TNFSF11: variants seen among roughly 807,000 people sequenced by gnomAD.
The protein encoded by TNFSF11 is TNF superfamily member 11.
Under a neutral mutation model 32.2 loss-of-function variants are expected in TNFSF11, and 12 were observed. The observed-to-expected ratio is 0.37, with a 90% CI of 0.24 to 0.60. The LOEUF (loss-of-function observed/expected upper bound fraction) is 0.60, where lower values mean the gene tolerates loss of function less well. Among genes scored for constraint, TNFSF11 ranks in the 20% least tolerant of loss-of-function variants. TNFSF11 has a pLI of 0.66. For missense variants in TNFSF11, 345 were observed against 398.0 expected (o/e 0.87, Z 1.13); for synonymous variants, 172 against 152.1 (o/e 1.13, Z -0.96).
Position 42,607,373 on chromosome 13 carries a change from A to G in TNFSF11, c.*455A>G, listed in dbSNP as rs912473516. The G allele has an allele frequency of 6.5e-6, 1 of 154,568 alleles. No individual in the cohort carries two copies. The highest frequency in any genetic ancestry group is 1.4e-5 in the Non-Finnish European group (1 of 69,348). 9.6% of individuals were successfully genotyped at this position (154,568 alleles called of 1,614,324 possible). Reference sequence around the variant, plus strand: ...TTTTTCTAATGAGGAGAGAAAATATATGTATTTTTATATAATATCTAAAGT... The same window carrying G: ...TTTTTCTAATGAGGAGAGAAAATATGTGTATTTTTATATAATATCTAAAGT... On this transcript the variant is annotated 3_prime_UTR_variant, in exon 5 of 5. Transcript: ENST00000398795.
intron 2 of TNFSF11, among the ~76,000 whole-genome samples, chr13:42,582,531 T>G (rs1873666330): frequency 2.0e-5 from 3 of 152,240 alleles, no homozygotes; most frequent in Admixed American, 2.0e-4. Context: ...GAGGTTCTAG[T>G]TGTATCTTAA....
At chr13:42,583,444 G>GAAAAAAAAA (rs71202227) in intron 2 of TNFSF11, among the ~76,000 whole-genome samples, 98 of 95,586 alleles carry the variant, frequency 1.0e-3, no homozygotes, top group African/African-American at 2.6e-3. Context: ...AAAAAGAAAG[G>GAAAAAAAAA]AAGAAAGGAA....
In TNFSF11 at chr13:42,574,395, A is replaced by C. The variant is rs1471498841; in HGVS notation, c.92A>C (p.His31Pro). Residue 31 changes from histidine to proline, a missense_variant, in exon 1 of 5, where the codon CAC (histidine) becomes CCC (proline). Around this residue, in one of 2 missense-constraint regions of TNFSF11, gnomAD observed 197 missense variants for 182.0 expected, o/e 1.08. Coordinates refer to ENST00000398795, the MANE Select transcript of TNFSF11 (RefSeq NM_003701.4). ...GPGAPHEGPL[H>P]APPPPAPHQP... is the part of the protein sequence containing the mutation. ...GGAGCCCCGCACGAGGGCCCCCTGC[A>C]CGCCCCGCCGCCGCCTGCGCCGCAC... 1.9e-6 allele frequency: 3 copies of C among 1,553,130 alleles called. No homozygotes were observed. Among genetic ancestry groups the C allele is most frequent in the Non-Finnish European group, 1.7e-6 (2 of 1,150,990 alleles).
intron 2 of TNFSF11, among the ~76,000 whole-genome samples, chr13:42,585,171 T>C (rs954059106): frequency 1.3e-5 from 2 of 152,268 alleles, no homozygotes; most frequent in African/African-American, 4.8e-5. Flanking sequence ...CTTGCCAAAA[T>C]AATCAGATTT....
chr13:42,592,735 G>A (rs1162429691), intron 2 of TNFSF11, among the ~76,000 whole-genome samples: 1 of 152,158 alleles, frequency 6.6e-6, no homozygotes, highest in African/African-American at 2.4e-5. Context: ...TAATCCCCAA[G>A]TGTCAAGGGT....
At chr13:42,588,919 T>A (rs2137882557) in intron 2 of TNFSF11, among the ~76,000 whole-genome samples, 1 of 152,286 alleles carries the variant, frequency 6.6e-6, no homozygotes, top group East Asian at 1.9e-4. Context: ...AGACAACAAA[T>A]GCTTGCTCAA....
rs565255217 is a variant in TNFSF11, at chr13:42,607,917, T to C, written c.*999T>C. On this transcript the variant is annotated 3_prime_UTR_variant, in exon 5 of 5. Coordinates refer to ENST00000398795, the MANE Select transcript of TNFSF11 (RefSeq NM_003701.4). ...GTGGTTTATCAGCAAAAAAGTCCAA[T>C]TTTAATTTAGTAAATGTTATCTTAT... is the stretch of plus-strand genomic sequence containing the variant. 25 of 152,896 alleles carry C rather than the reference T, an allele frequency of 1.6e-4. No individual in the cohort carries two copies. Among genetic ancestry groups the C allele is most frequent in the African/African-American group, 5.8e-4 (24 of 41,574 alleles). 9.5% of individuals were successfully genotyped at this position (152,896 alleles called of 1,614,324 possible). A position where few individuals can be genotyped will look rare whatever the true frequency, so the allele number is the denominator to read the frequency against.
Position 42,602,610 on chromosome 13 carries a change from A to G in TNFSF11, c.532+1629A>G, listed in dbSNP as rs559019604. On this transcript the variant is annotated intron_variant, in intron 4 of 4. Transcript: ENST00000398795. ...AATTTGTCTCACTGTGTGTCTATGCATGTCTTGTGGTGGAGCTACACTAAT... is the reference window on the plus strand; with the variant it reads ...AATTTGTCTCACTGTGTGTCTATGCGTGTCTTGTGGTGGAGCTACACTAAT... 5.9e-5 allele frequency among the ~76,000 whole-genome samples: 9 copies of G among 152,332 alleles called. 1 individual carries two copies. The South Asian group carries it at 1.9e-3, about 32-fold the overall frequency.
intron 4 of TNFSF11, among the ~76,000 whole-genome samples, chr13:42,606,009 C>T (rs943566778): frequency 6.6e-6 from 1 of 152,192 alleles, no homozygotes; most frequent in South Asian, 2.1e-4. Context: ...GTCTCAGTTG[C>T]CTTTGGCTTA....
intron 1 of TNFSF11, among the ~76,000 whole-genome samples, chr13:42,576,087 A>C (rs1316293201): frequency 6.6e-6 from 1 of 152,242 alleles, no homozygotes; most frequent in Non-Finnish European, 1.5e-5. Flanking sequence ...TTAGTCAAAC[A>C]AAAGAGCAAC....
At chr13:42,600,351 G>A (rs1471684260) in intron 2 of TNFSF11, among the ~76,000 whole-genome samples, 1 of 152,150 alleles carries the variant, frequency 6.6e-6, no homozygotes, top group African/African-American at 2.4e-5. Flanking sequence ...TAATGAAATA[G>A]ACATGAAAAG....
chr13:42,604,545 C>T (rs918659467), intron 4 of TNFSF11, among the ~76,000 whole-genome samples: 2 of 152,164 alleles, frequency 1.3e-5, no homozygotes, highest in Non-Finnish European at 2.9e-5. Flanking sequence ...GTTGCCCCAC[C>T]GTTGGATGGC....
chr13:42,576,196 T>G (rs1303093153), intron 1 of TNFSF11, among the ~76,000 whole-genome samples: 1 of 152,240 alleles, frequency 6.6e-6, no homozygotes, highest in Non-Finnish European at 1.5e-5. Context: ...GTGAAGAGAG[T>G]GTCCAATGTT....
Position 42,601,107 on chromosome 13 carries a change from A to C in TNFSF11, c.532+126A>C, listed in dbSNP as rs1052524963. On this transcript the variant is annotated intron_variant, in intron 4 of 4. Transcript: ENST00000398795. ...GAGCCCTTACTTCAAAGCCAAAGGA[A>C]AGACCATTCATCCTCAGGTGATGAT... 12 of 989,884 alleles carry C rather than the reference A, an allele frequency of 1.2e-5. No individual in the cohort carries two copies. In the African/African-American group the frequency reaches 1.8e-4, roughly 15 times the overall value. 61.3% of individuals were successfully genotyped at this position (989,884 alleles called of 1,614,324 possible).
Position 42,600,994 on chromosome 13 carries a change from T to G in TNFSF11, c.532+13T>G. On this transcript the variant is annotated intron_variant, in intron 4 of 4. Coordinates refer to ENST00000398795, the MANE Select transcript of TNFSF11 (RefSeq NM_003701.4). ...GACATCCCATCTGGTAAGCTCTATC[T>G]GCATCCAGCCTGAAAAATATTTTAA... 6.2e-7 allele frequency: 1 copy of G among 1,613,654 alleles called. No homozygotes were observed. Among genetic ancestry groups the G allele is most frequent in the Non-Finnish European group, 8.5e-7 (1 of 1,179,546 alleles).
chr13:42,594,313 C>T (rs1868666072), intron 2 of TNFSF11, among the ~76,000 whole-genome samples: 1 of 151,852 alleles, frequency 6.6e-6, no homozygotes, highest in South Asian at 2.1e-4. Flanking sequence ...AACTCCTGGC[C>T]TGAGGTTGAT....
At chr13:42,590,394 A>G (rs1874110359) in intron 2 of TNFSF11, among the ~76,000 whole-genome samples, 1 of 152,056 alleles carries the variant, frequency 6.6e-6, no homozygotes, top group African/African-American at 2.4e-5. Flanking sequence ...CACGTTAGGG[A>G]CCTTGGGGTT....
At chr13:42,599,380 C>CTATCTATCTATCTATT (rs375212233) in intron 2 of TNFSF11, among the ~76,000 whole-genome samples, 2 of 151,450 alleles carry the variant, frequency 1.3e-5, no homozygotes, top group Non-Finnish European at 2.9e-5. Context: ...ATCTATCTAT[C>CTATCTATCTATCTATT]TATCTGTCTA....
At chr13:42,585,158 C>T (rs1029349471) in intron 2 of TNFSF11, among the ~76,000 whole-genome samples, 5 of 152,232 alleles carry the variant, frequency 3.3e-5, no homozygotes, top group African/African-American at 1.2e-4. Flanking sequence ...ACATTCTACA[C>T]ATCTTGCCAA....
Sources: gnomAD v4.1 joint callset for allele counts (sites outside exome capture counted in the v4.1 genomes callset) on GRCh38, gnomAD v4.1.1 for gene constraint, gnomAD v4.1.1 regional missense constraint, MANE v1.5 for transcripts, NCBI Gene and HGNC (gene_info 2026-07-23, HGNC 2026-07-21) for gene names.